Variants in MAPK4 observed in about 807,000 individuals in gnomAD.
The protein encoded by MAPK4 is mitogen-activated protein kinase 4, also known as Erk3-related.
In MAPK4, 22 loss-of-function variants were observed where a neutral mutation model predicts 47.7. The observed-to-expected ratio is 0.46, with a 90% CI of 0.33 to 0.66. The LOEUF (loss-of-function observed/expected upper bound fraction) is 0.66, where lower values mean the gene tolerates loss of function less well. Among genes scored for constraint, MAPK4 ranks in the 30% least tolerant of loss-of-function variants. The probability of loss-of-function intolerance (pLI) is 0.02; values close to 1 mark genes in which losing one functional copy is unlikely to be tolerated. For synonymous variants in MAPK4, 390 were observed against 365.7 expected, an observed-to-expected ratio of 1.07 and a Z score of -0.76; for missense variants, 736 against 831.7, an observed-to-expected ratio of 0.88 and a Z score of 1.42.
At chr18:50,719,424 A>G (rs1910813661) in intron 3 of MAPK4, among the ~76,000 whole-genome samples, 1 of 152,152 alleles carries the variant, frequency 6.6e-6, no homozygotes, top group African/African-American at 2.4e-5. Flanking sequence ...TATTTTTCCA[A>G]CTGAAATTGC....
At chr18:50,679,403 A>G (rs1908454324) in intron 2 of MAPK4, among the ~76,000 whole-genome samples, 1 of 152,192 alleles carries the variant, frequency 6.6e-6, no homozygotes, top group Admixed American at 6.5e-5. Context: ...TGGAAGATCA[A>G]TACCCTCATA....
chr18:50,717,391 T>G (rs3794897), intron 3 of MAPK4, among the ~76,000 whole-genome samples: 87,754 of 151,936 alleles, frequency 0.58, 27,056 homozygotes, highest in Non-Finnish European at 0.7. Context: ...TGTTTTCTCT[T>G]GGCAATCAGC....
intron 2 of MAPK4, among the ~76,000 whole-genome samples, chr18:50,697,522 T>C (rs1307032575): frequency 6.6e-6 from 1 of 152,236 alleles, no homozygotes; most frequent in Non-Finnish European, 1.5e-5. Context: ...CTGCTGTTAT[T>C]GGTGATGGTG....
intron 1 of MAPK4, among the ~76,000 whole-genome samples, chr18:50,614,058 T>C (rs767349075): frequency 3.3e-5 from 5 of 152,216 alleles, no homozygotes; most frequent in Non-Finnish European, 5.9e-5. Flanking sequence ...TCATTGAAAG[T>C]TGGCAAAATG....
intron 5 of MAPK4, among the ~76,000 whole-genome samples, chr18:50,728,780 A>G (rs950680732): frequency 6.6e-6 from 1 of 152,180 alleles, no homozygotes; most frequent in Non-Finnish European, 1.5e-5. Context: ...CCCGCAGGTG[A>G]TTCGTGCATC....
intron 1 of MAPK4, among the ~76,000 whole-genome samples, chr18:50,600,942 C>T (rs907087394): frequency 2.0e-5 from 3 of 151,496 alleles, no homozygotes; most frequent in African/African-American, 7.3e-5. Flanking sequence ...TTATTTTAAA[C>T]TTTAGTATTG....
chr18:50,655,773 C>T (rs2144224419), intron 1 of MAPK4, among the ~76,000 whole-genome samples: 1 of 152,280 alleles, frequency 6.6e-6, no homozygotes, highest in South Asian at 2.1e-4. Context: ...CCCTTGAACC[C>T]CTGCTTTTAG....
At chr18:50,619,102 T>C (rs1023831265) in intron 1 of MAPK4, among the ~76,000 whole-genome samples, 1 of 152,226 alleles carries the variant, frequency 6.6e-6, no homozygotes, top group South Asian at 2.1e-4. Flanking sequence ...AGATCCTTTG[T>C]GAAGAGCCAA....
At chr18:50,610,751 C>T (rs184581400) in intron 1 of MAPK4, among the ~76,000 whole-genome samples, 116 of 152,232 alleles carry the variant, frequency 7.6e-4, no homozygotes, top group African/African-American at 2.7e-3. Context: ...GTGCAGGGAG[C>T]GAATGATACT....
At chr18:50,673,621 G>A (rs1436894375) in intron 2 of MAPK4, among the ~76,000 whole-genome samples, 1 of 152,306 alleles carries the variant, frequency 6.6e-6, no homozygotes, top group East Asian at 1.9e-4. Flanking sequence ...TTGGGAGGCC[G>A]AGGCAGGCGG....
intron 2 of MAPK4, among the ~76,000 whole-genome samples, chr18:50,687,401 C>T (rs538374854): frequency 1.3e-5 from 2 of 152,326 alleles, no homozygotes; most frequent in African/African-American, 2.4e-5. Context: ...GTTATGACAA[C>T]TAAAAATGCC....
At chr18:50,672,555 C>G (rs1010047449) in intron 2 of MAPK4, among the ~76,000 whole-genome samples, 2 of 152,110 alleles carry the variant, frequency 1.3e-5, no homozygotes, top group Admixed American at 1.3e-4. Context: ...AGAAGAGGCT[C>G]TTCCCTCTGT....
Position 50,671,237 on chromosome 18 carries a change from C to A in MAPK4, c.546+6733C>A, listed in dbSNP as rs928423437. 1.4e-4 allele frequency among the ~76,000 whole-genome samples: 22 copies of A among 152,272 alleles called. 1 individual carries two copies. Among genetic ancestry groups the A allele is most frequent in the African/African-American group, 4.6e-4 (19 of 41,560 alleles). On this transcript the variant is annotated intron_variant, in intron 2 of 5. Transcript: ENST00000400384. ...ATCACCTTGGAAACTGCCTGCTACC[C>A]CATGGCACGAGTTTACTGGAAAGCT... is the stretch of plus-strand genomic sequence containing the variant.
intron 1 of MAPK4, among the ~76,000 whole-genome samples, chr18:50,583,625 TAGAG>T (rs1396376384): frequency 6.6e-6 from 1 of 152,154 alleles, no homozygotes; most frequent in African/African-American, 2.4e-5. Context: ...AACCAATTGA[TAGAG>T]AGGGAGGGTA....
At chr18:50,704,524 TCC>T (rs551003330) in intron 2 of MAPK4, 165 of 398,592 alleles carry the variant, frequency 4.1e-4, no homozygotes, top group African/African-American at 2.7e-3. Flanking sequence ...CTCTTATTTC[TCC>T]TAGTCTACTG....
chr18:50,689,706 C>G (rs1909104451), intron 2 of MAPK4, among the ~76,000 whole-genome samples: 1 of 152,294 alleles, frequency 6.6e-6, no homozygotes, highest in South Asian at 2.1e-4. Flanking sequence ...GGTTGGGCAA[C>G]AGAGCGAGAA....
At chr18:50,585,740 A>G (rs2042382595) in intron 1 of MAPK4, among the ~76,000 whole-genome samples, 1 of 152,236 alleles carries the variant, frequency 6.6e-6, no homozygotes, top group Non-Finnish European at 1.5e-5. Context: ...TAAAGAAAAG[A>G]GGTTTAATTG....
chr18:50,686,567 C>A (rs566575503), intron 2 of MAPK4, among the ~76,000 whole-genome samples: 1 of 152,320 alleles, frequency 6.6e-6, no homozygotes, highest in Admixed American at 6.5e-5. Context: ...TGCTGGATGG[C>A]TAAGGGATGT....
chr18:50,620,286 C>T (rs946879518), intron 1 of MAPK4, among the ~76,000 whole-genome samples: 2 of 152,158 alleles, frequency 1.3e-5, no homozygotes, highest in African/African-American at 4.8e-5. Context: ...GTGAAGACAG[C>T]GGCAGAGCTG....
Sources: gnomAD v4.1 joint callset for allele counts (sites outside exome capture counted in the v4.1 genomes callset) on GRCh38, gnomAD v4.1.1 for gene constraint, MANE v1.5 for transcripts, NCBI Gene and HGNC (gene_info 2026-07-23, HGNC 2026-07-21) for gene names.